Variants in ACAP1 observed in about 807,000 individuals in gnomAD.
ACAP1 encodes arf-GAP with coiled-coil, ANK repeat and PH domain-containing protein 1.
A neutral mutation model predicts 98.8 loss-of-function variants in ACAP1; 45 were observed. The observed-to-expected ratio is 0.46, with a 90% CI of 0.36 to 0.58. ACAP1 has a LOEUF of 0.58. Among genes scored for constraint, ACAP1 ranks in the 20% least tolerant of loss-of-function variants. The pLI, the probability that ACAP1 is intolerant of heterozygous loss-of-function variation, is 0.00. For synonymous variants in ACAP1, 362 were observed against 375.3 expected (o/e 0.96, Z 0.41); for missense variants, 735 against 971.4 (o/e 0.76, Z 3.24).
rs2073400357 is a variant in ACAP1 at position 7,350,827 on chromosome 17, G to T, written c.2073-123G>T. 7 of 905,600 alleles carry T rather than the reference G, an allele frequency of 7.7e-6. No individual in the cohort carries two copies. The highest frequency in any genetic ancestry group is 6.1e-5 in the Admixed American group (3 of 49,554). The allele number at this position is 905,600 out of a possible 1,614,324, so 56.1% of individuals were successfully genotyped here. ...GGGTTTCACCATGTTGGCCAGGACG[G>T]TCTCGATCTCCTGACCTCGTGATCC... On this transcript the variant is annotated intron_variant, in intron 20 of 21. Coordinates refer to ENST00000158762, the MANE Select transcript of ACAP1 (RefSeq NM_014716.4). The surrounding 1 kb of genome is among the most constrained non-coding windows in gnomAD (Gnocchi z 4.6).
intron 1 of ACAP1, 57 bp from the exon 2 acceptor site, chr17:7,337,255 T>G: frequency 1.9e-6 from 3 of 1,552,042 alleles, no homozygotes; most frequent in Non-Finnish European, 2.7e-6. Context: ...TCCCGCCTGA[T>G]GAGGCAGACA....
At chr17:7,349,635 A>G in intron 18 of ACAP1, 1 of 326,042 alleles carries the variant, frequency 3.1e-6, no homozygotes, top group Non-Finnish European at 5.6e-6. Context: ...TCGGCCTCCC[A>G]AAGTGCTGGG....
Position 7,350,557 on chromosome 17 carries a change from A to C in ACAP1, c.2072+320A>C. ...TGACCCCGGGGGTGGGGGCAGATGAACGGAACGCAACCCAGCTCAAAGGAT... is the reference window on the plus strand; with the variant it reads ...TGACCCCGGGGGTGGGGGCAGATGACCGGAACGCAACCCAGCTCAAAGGAT... On this transcript the variant is annotated intron_variant, in intron 20 of 21. Coordinates refer to ENST00000158762, the MANE Select transcript of ACAP1 (RefSeq NM_014716.4). The surrounding 1 kb of genome is among the most constrained non-coding windows in gnomAD (Gnocchi z 4.6). 2.2e-6 allele frequency: 1 copy of C among 447,218 alleles called. No homozygotes were observed. The highest frequency in any genetic ancestry group is 4.3e-5 in the East Asian group (1 of 23,104). The allele number at this position is 447,218 out of a possible 1,614,324, so 27.7% of individuals were successfully genotyped here.
chr17:7,346,528 C>T (rs956067729), intron 12 of ACAP1, 37 bp downstream of exon 12: 13 of 1,512,158 alleles, frequency 8.6e-6, no homozygotes, highest in Non-Finnish European at 1.2e-5. Context: ...TCTAATATAT[C>T]TAAACAACTG....
rs1412637847 is a variant in ACAP1 at position 7,347,015 on chromosome 17, C to T, written c.1132-16C>T. On this transcript the variant is annotated splice_polypyrimidine_tract_variant and intron_variant, in intron 13 of 21. Coordinates refer to ENST00000158762, the MANE Select transcript of ACAP1 (RefSeq NM_014716.4). Reference sequence around the variant, plus strand: ...CTAGGCCCCTTGGCCACCCTTTCTTCCCCTCTCTCCCCCAGGGCTCAGGAC... The same window carrying T: ...CTAGGCCCCTTGGCCACCCTTTCTTTCCCTCTCTCCCCCAGGGCTCAGGAC... 2.5e-6 allele frequency: 4 copies of T among 1,568,958 alleles called. No homozygotes were observed. Among genetic ancestry groups the T allele is most frequent in the Middle Eastern group, 1.7e-4 (1 of 5,822 alleles).
rs760063972 is a variant in ACAP1, at chr17:7,348,445, C to A, written c.1648C>A (p.Pro550Thr). The A allele has an allele frequency of 6.7e-7, 1 of 1,492,082 alleles. No homozygotes were observed. Among genetic ancestry groups the A allele is most frequent in the Admixed American group, 2.6e-5 (1 of 39,048 alleles). The allele number at this position is 1,492,082 out of a possible 1,614,324, so 92.4% of individuals were successfully genotyped here. ...PPVPPKPSIR[P>T]RPGSLRSKPE... ...TGTGCCCCCAAAGCCTTCCATCAGG[C>A]CCCGGCCAGGGAGCTTGAGATCCAA... The change falls in exon 17 of 22, where the codon CCC becomes ACC. Residue 550 changes from proline to threonine, a missense_variant. Physicochemically the swap from Pro to Thr is conservative, Grantham distance 38. Coordinates refer to ENST00000158762, the MANE Select transcript of ACAP1 (RefSeq NM_014716.4).
chr17:7,342,346 A>C lies in ACAP1; in HGVS notation c.285+18A>C. 6.2e-7 allele frequency: 1 copy of C among 1,614,128 alleles called. No individual in the cohort carries two copies. The highest frequency in any genetic ancestry group is 1.1e-5 in the South Asian group (1 of 91,084). On this transcript the variant is annotated intron_variant, in intron 4 of 21. Coordinates refer to ENST00000158762, the MANE Select transcript of ACAP1 (RefSeq NM_014716.4). ...GCCATGCGGTAAGTAGGGGAAGGTA[A>C]GGATTGTCGGGGTGGTGGCCAGGTC...
At chr17:7,347,441 T>G (rs1418844186) in intron 14 of ACAP1, 199 bp downstream of exon 14, 1 of 579,392 alleles carries the variant, frequency 1.7e-6, no homozygotes, top group African/African-American at 1.9e-5. Context: ...CCCCTCTGTG[T>G]CCTAGTCTGG....
chr17:7,344,936 T>C lies in ACAP1; in HGVS notation c.854+288T>C, dbSNP rs2073332434. On this transcript the variant is annotated intron_variant, in intron 10 of 21. Coordinates refer to ENST00000158762, the MANE Select transcript of ACAP1 (RefSeq NM_014716.4). The surrounding 1 kb of genome is among the most constrained non-coding windows in gnomAD (Gnocchi z 4.9). ...GTGTGGGCTTCATGAGAAGGTAACT[T>C]TTGAACAAAGACTTGAAGGATATCT... 6.6e-6 allele frequency among the ~76,000 whole-genome samples: 1 copy of C among 152,034 alleles called. No individual in the cohort carries two copies. The highest frequency in any genetic ancestry group is 2.4e-5 in the African/African-American group (1 of 41,382).
Position 7,349,027 on chromosome 17 carries a change from C to T in ACAP1, c.1711C>T (p.Pro571Ser), listed in dbSNP as rs751510898. Reference protein sequence around the residue: ...PPSEDLGSLHPGALLFRASGH... With the variant: ...PPSEDLGSLHSGALLFRASGH... ...CTCTGAGGACCTGGGAAGCCTGCACCCTGGGGCCCTACTGTTTCGAGCGTC... is the reference window on the plus strand; with the variant it reads ...CTCTGAGGACCTGGGAAGCCTGCACTCTGGGGCCCTACTGTTTCGAGCGTC... Residue 571 changes from proline (P) to serine (S), a missense_variant, in exon 18 of 22, where the codon CCT (proline) becomes TCT (serine). Pro to Ser is a moderately conservative substitution (Grantham distance 74). Transcript: ENST00000158762. The T allele has an allele frequency of 8.7e-6, 14 of 1,613,634 alleles. No homozygotes were observed. The East Asian group carries it at 3.1e-4, about 36-fold the overall frequency.
Position 7,344,272 on chromosome 17 carries a change from G to T in ACAP1, c.744+149G>T. On this transcript the variant is annotated intron_variant, in intron 9 of 21. Coordinates refer to ENST00000158762, the MANE Select transcript of ACAP1 (RefSeq NM_014716.4). This position sits in a 1 kb window ranked among gnomAD's most constrained non-coding sequence, Gnocchi z 4.9. ...ACAGAAAATTTTAAAATTAGCTGGT[G>T]TGGTGGCATGCACCTCTAGTTCTAG... 1 of 941,318 alleles carries T rather than the reference G, an allele frequency of 1.1e-6. No individual in the cohort carries two copies. Among genetic ancestry groups the T allele is most frequent in the Admixed American group, 2.4e-5 (1 of 42,244 alleles). The allele number at this position is 941,318 out of a possible 1,614,324, so 58.3% of individuals were successfully genotyped here. A position where few individuals can be genotyped will look rare whatever the true frequency, so the allele number is the denominator to read the frequency against.
Position 7,336,689 on chromosome 17 carries a change from G to C in ACAP1, c.-46G>C, listed in dbSNP as rs1460606606. On this transcript the variant is annotated 5_prime_UTR_variant, in exon 1 of 22. Transcript: ENST00000158762. ...AAAGTGCCTCCACCTGCATCCCCAG[G>C]GGCCCGGCCTCCAGGGCCCGCTGGC... 6.2e-7 allele frequency: 1 copy of C among 1,611,034 alleles called. No individual in the cohort carries two copies. Among genetic ancestry groups the C allele is most frequent in the Admixed American group, 1.7e-5 (1 of 59,994 alleles).
intron 2 of ACAP1, among the ~76,000 whole-genome samples, chr17:7,339,287 C>T (rs994868168): frequency 6.7e-6 from 1 of 149,698 alleles, no homozygotes; most frequent in African/African-American, 2.5e-5. Context: ...GAGACTGTCT[C>T]AATAAACAAA....
chr17:7,346,652 A>T, intron 12 of ACAP1, 156 bp from the exon 13 acceptor site: 1 of 1,142,044 alleles, frequency 8.8e-7, no homozygotes, highest in Non-Finnish European at 1.3e-6. Flanking sequence ...GTACAGGGTG[A>T]TGGGGGATAT....
At chr17:7,338,528 G>T (rs1424895233) in intron 2 of ACAP1, among the ~76,000 whole-genome samples, 1 of 152,074 alleles carries the variant, frequency 6.6e-6, no homozygotes, top group Non-Finnish European at 1.5e-5. Context: ...CTCCCAAAGT[G>T]CTGGCATTAC....
intron 14 of ACAP1, 39 bp downstream of exon 14, chr17:7,347,281 G>A (rs1195564982): frequency 3.8e-6 from 6 of 1,564,346 alleles, no homozygotes; most frequent in Non-Finnish European, 4.4e-6. Flanking sequence ...CCACTCCTTC[G>A]GGCCACAGTG....
Position 7,343,698 on chromosome 17 carries a change from G to T in ACAP1, c.529-8G>T, listed in dbSNP as rs115195712. ...TGGGGTTTTTTACGTCCTCTTTTAC[G>T]TCCTCAGATCAACGTGATTGAGGAC... On this transcript the variant is annotated splice_region_variant and splice_polypyrimidine_tract_variant and intron_variant, in intron 6 of 21. Transcript: ENST00000158762. This position sits in a 1 kb window ranked among gnomAD's most constrained non-coding sequence, Gnocchi z 4.9. The T allele has an allele frequency of 6.8e-6, 11 of 1,613,346 alleles. No individual in the cohort carries two copies. The highest frequency in any genetic ancestry group is 9.3e-6 in the Non-Finnish European group (11 of 1,179,618).
At chr17:7,346,140 G>C in intron 10 of ACAP1, 104 bp from the exon 11 acceptor site, 1 of 1,033,206 alleles carries the variant, frequency 9.7e-7, no homozygotes, top group Non-Finnish European at 1.5e-6. Context: ...GTCAGCCCAG[G>C]TGTCTGTCCT....
At position 7,342,478 on chromosome 17, in the gene ACAP1, A is replaced by T; in HGVS notation, c.344+4A>T. On this transcript the variant is annotated splice_donor_region_variant and intron_variant, in intron 5 of 21. Coordinates refer to ENST00000158762, the MANE Select transcript of ACAP1 (RefSeq NM_014716.4). Reference sequence around the variant, plus strand: ...AGATCCAGACCCTGGTCAAGGAGTGAGATGGGGCCGGGCGCAGTGGCTCAT... The same window carrying T: ...AGATCCAGACCCTGGTCAAGGAGTGTGATGGGGCCGGGCGCAGTGGCTCAT... 6.2e-7 allele frequency: 1 copy of T among 1,614,074 alleles called. No homozygotes were observed. The highest frequency in any genetic ancestry group is 8.5e-7 in the Non-Finnish European group (1 of 1,179,984).
Sources: gnomAD v4.1 joint callset for allele counts (sites outside exome capture counted in the v4.1 genomes callset) on GRCh38, gnomAD v4.1.1 for gene constraint, Gnocchi (gnomAD v3.1) non-coding constraint, MANE v1.5 for transcripts, NCBI Gene and HGNC (gene_info 2026-07-23, HGNC 2026-07-21) for gene names.